WWC1: variants seen among roughly 807,000 people sequenced by gnomAD.
WWC1 encodes WW and C2 domain containing 1.
Under a neutral mutation model 138.4 loss-of-function variants are expected in WWC1, and 55 were observed. That is an observed-to-expected ratio of 0.40 (90% CI 0.32 to 0.50). The LOEUF is 0.50. Ranked by LOEUF, WWC1 falls within the 20% of genes least tolerant of loss-of-function variation. The pLI is 0.72. For missense variants in WWC1, 1,226 were observed against 1,420.4 expected (o/e 0.86, Z 2.20); for synonymous variants, 524 against 564.9 (o/e 0.93, Z 1.03).
In WWC1 at chr5:168,441,786, G is replaced by T. The variant is rs374274136; in HGVS notation, c.2385G>T (p.Glu795Asp). The T allele has an allele frequency of 6.2e-7, 1 of 1,614,026 alleles. No individual in the cohort carries two copies. The highest frequency in any genetic ancestry group is 1.3e-5 in the African/African-American group (1 of 74,948). The change falls in exon 16 of 23, where the codon GAG (glutamate) becomes GAT (aspartate). Residue 795 changes from glutamate (E) to aspartate (D), a missense_variant. Coordinates refer to ENST00000265293, the MANE Select transcript of WWC1 (RefSeq NM_015238.3). ...AATACTTGAAGAAACAGAGCAGGGA[G>T]CTCAAGCCAGTGGGAGTCATGGCCC... ...SYKYLKKQSR[E>D]LKPVGVMAPA...
intron 9 of WWC1, among the ~76,000 whole-genome samples, chr5:168,416,879 T>G (rs1780699040): frequency 6.6e-6 from 1 of 152,216 alleles, no homozygotes; most frequent in South Asian, 2.1e-4. Context: ...TTATTTTTAT[T>G]TTTTTCGAGA....
intron 19 of WWC1, among the ~76,000 whole-genome samples, chr5:168,456,360 C>T (rs576550263): frequency 6.6e-6 from 1 of 152,014 alleles, no homozygotes; most frequent in East Asian, 1.9e-4. Flanking sequence ...AACCTGGGCG[C>T]AGTGGCTCAT....
Position 168,292,454 on chromosome 5 carries a change from A to G in WWC1, c.119+183A>G, listed in dbSNP as rs941141573. Among the ~76,000 whole-genome samples, 2 of 151,692 alleles carry G rather than the reference A, an allele frequency of 1.3e-5. No homozygotes were observed. Among genetic ancestry groups the G allele is most frequent in the Non-Finnish European group, 2.9e-5 (2 of 67,882 alleles). On this transcript the variant is annotated intron_variant, in intron 1 of 22. Transcript: ENST00000265293. This position sits in a 1 kb window ranked among gnomAD's most constrained non-coding sequence, Gnocchi z 4.4. ...AGCGCTGCTCCCGCCTCAGTGGGCCACCGAGAGGAGGCGCCTGCCGGGGAG... is the reference window on the plus strand; with the variant it reads ...AGCGCTGCTCCCGCCTCAGTGGGCCGCCGAGAGGAGGCGCCTGCCGGGGAG...
intron 3 of WWC1, among the ~76,000 whole-genome samples, chr5:168,390,844 T>G (rs146870822): frequency 1.2e-3 from 177 of 152,358 alleles, no homozygotes; most frequent in African/African-American, 3.8e-3. Context: ...ACATTTAATA[T>G]GCACCTGTTG....
At chr5:168,328,824 C>T (rs147366364) in intron 1 of WWC1, among the ~76,000 whole-genome samples, 2,655 of 152,266 alleles carry the variant, frequency 0.017, 31 homozygotes, top group Middle Eastern at 0.031. Flanking sequence ...CATGAGCCAC[C>T]GCGCCTGGCC....
At chr5:168,449,806 C>G (rs185274051) in intron 17 of WWC1, among the ~76,000 whole-genome samples, 28 of 152,046 alleles carry the variant, frequency 1.8e-4, no homozygotes, top group Non-Finnish European at 2.8e-4. Flanking sequence ...AACTCCCGAC[C>G]TCAGGTGATC....
chr5:168,459,019 T>C (rs1007789054), intron 19 of WWC1, among the ~76,000 whole-genome samples: 3 of 152,042 alleles, frequency 2.0e-5, no homozygotes, highest in Admixed American at 2.0e-4. Flanking sequence ...ATTGAGAGGC[T>C]GAGATGGGAG....
intron 15 of WWC1, among the ~76,000 whole-genome samples, chr5:168,441,040 C>G (rs534789228): frequency 1.3e-5 from 2 of 152,272 alleles, no homozygotes; most frequent in Admixed American, 6.5e-5. Context: ...TCACCGCACT[C>G]CAGCCTGGGC....
In WWC1 at chr5:168,455,381, C is replaced by A. The variant is rs1169450283; in HGVS notation, c.2684C>A (p.Thr895Asn). ...LKVDKETNTE[T>N]PAPSPTVVRP... Reference sequence around the variant, plus strand: ...GTGGACAAAGAGACCAACACGGAGACCCCGGCCCCATCCCCCACAGTGGTG... The same window carrying A: ...GTGGACAAAGAGACCAACACGGAGAACCCGGCCCCATCCCCCACAGTGGTG... The change falls in exon 19 of 23, where the codon ACC becomes AAC. Residue 895 changes from threonine to asparagine, a missense_variant. Transcript: ENST00000265293. 7 of 1,595,220 alleles carry A rather than the reference C, an allele frequency of 4.4e-6. No individual in the cohort carries two copies. Among genetic ancestry groups the A allele is most frequent in the Admixed American group, 1.8e-5 (1 of 55,958 alleles).
chr5:168,468,886 C>A, intron 22 of WWC1, 65 bp from the exon 23 acceptor site: 2 of 1,559,454 alleles, frequency 1.3e-6, no homozygotes, highest in Non-Finnish European at 1.8e-6. Flanking sequence ...AAGAATTATC[C>A]TGCCCAGAAT....
chr5:168,373,463 C>T (rs1776909422), intron 2 of WWC1, among the ~76,000 whole-genome samples: 1 of 151,982 alleles, frequency 6.6e-6, no homozygotes, highest in South Asian at 2.1e-4. Flanking sequence ...TGGGGGACCA[C>T]CTCAGTAGAT....
intron 17 of WWC1, among the ~76,000 whole-genome samples, chr5:168,452,471 G>A (rs915677619): frequency 2.6e-5 from 4 of 152,176 alleles, no homozygotes; most frequent in Non-Finnish European, 5.9e-5. Flanking sequence ...GTGTGAGCAC[G>A]CTGCAAGAAG....
At chr5:168,401,070 G>GA (rs1299720512) in intron 5 of WWC1, among the ~76,000 whole-genome samples, 2 of 151,864 alleles carry the variant, frequency 1.3e-5, no homozygotes, top group Non-Finnish European at 2.9e-5. Flanking sequence ...CAGTCTGGTT[G>GA]ACAAAGTGAG....
At chr5:168,365,656 G>C (rs1263544677) in intron 1 of WWC1, among the ~76,000 whole-genome samples, 5 of 152,146 alleles carry the variant, frequency 3.3e-5, no homozygotes, top group Non-Finnish European at 7.4e-5. Context: ...GAGGCTTCCA[G>C]CCCCCGGGGT....
At chr5:168,426,395 C>A (rs1414618638) in intron 11 of WWC1, among the ~76,000 whole-genome samples, 1 of 152,106 alleles carries the variant, frequency 6.6e-6, no homozygotes. Flanking sequence ...GTGACCCCCT[C>A]CTCTCCCCTC....
At chr5:168,435,217 A>G (rs1782258597) in intron 15 of WWC1, among the ~76,000 whole-genome samples, 1 of 152,112 alleles carries the variant, frequency 6.6e-6, no homozygotes, top group East Asian at 1.9e-4. Context: ...CTGTTCTTGT[A>G]GGTTCTGCCA....
intron 1 of WWC1, among the ~76,000 whole-genome samples, chr5:168,305,044 C>T (rs895795292): frequency 2.3e-4 from 35 of 151,816 alleles, no homozygotes; most frequent in African/African-American, 7.5e-4. Flanking sequence ...AGGCTGGTCT[C>T]GAACTCCCAA....
At chr5:168,329,385 G>T (rs1053746824) in intron 1 of WWC1, among the ~76,000 whole-genome samples, 48 of 152,228 alleles carry the variant, frequency 3.2e-4, no homozygotes, top group African/African-American at 1.0e-3. Flanking sequence ...ATTTAAAAGG[G>T]TTCTCTTTTT....
At chr5:168,375,599 G>A (rs72828886) in intron 2 of WWC1, among the ~76,000 whole-genome samples, 11,208 of 150,598 alleles carry the variant, frequency 0.074, 591 homozygotes, top group Non-Finnish European at 0.12. Context: ...TTTTTTAGAC[G>A]AAGTCTCGCT....
Sources: allele counts gnomAD v4.1 joint callset (sites outside exome capture counted in the v4.1 genomes callset), GRCh38; gene constraint gnomAD v4.1.1; non-coding constraint Gnocchi (gnomAD v3.1); transcripts MANE v1.5; gene names NCBI Gene and HGNC (gene_info 2026-07-23, HGNC 2026-07-21).